The following DPP10 variants were observed in gnomAD, a reference collection of about 807,000 sequenced individuals.
The protein encoded by DPP10 is inactive dipeptidyl peptidase 10.
Under a neutral mutation model 120.9 loss-of-function variants are expected in DPP10, and 33 were observed. The ratio of observed to expected loss-of-function variants is 0.27; its 90% CI spans 0.21 to 0.37. DPP10 has a LOEUF of 0.37. DPP10 is among the 10% of genes least tolerant of loss of function. The probability of loss-of-function intolerance (pLI) is 1.00; values close to 1 mark genes in which losing one functional copy is unlikely to be tolerated. For synonymous variants in DPP10, 337 were observed against 326.1 expected, an observed-to-expected ratio of 1.03 and a Z score of -0.36; for missense variants, 816 against 942.8, an observed-to-expected ratio of 0.87 and a Z score of 1.76.
chr2:114,704,845 G>T (rs1358908598), intron 1 of DPP10, among the ~76,000 whole-genome samples: 1 of 152,140 alleles, frequency 6.6e-6, no homozygotes, highest in African/African-American at 2.4e-5. Context: ...GGTAATTAAG[G>T]TTAAATGAGG....
chr2:115,221,691 A>G (rs17452909), intron 1 of DPP10, among the ~76,000 whole-genome samples: 9,496 of 150,832 alleles, frequency 0.063, 324 homozygotes, highest in Middle Eastern at 0.11. Context: ...AGATTTTTTC[A>G]TGGCAATTAG....
At chr2:115,446,611 T>A (rs1270104896) in intron 3 of DPP10, among the ~76,000 whole-genome samples, 1 of 152,188 alleles carries the variant, frequency 6.6e-6, no homozygotes, top group African/African-American at 2.4e-5. Flanking sequence ...TGTTTCTGTG[T>A]CTCTTTGTCT....
At chr2:115,722,836 T>C (rs555917644) in intron 7 of DPP10, among the ~76,000 whole-genome samples, 1 of 152,268 alleles carries the variant, frequency 6.6e-6, no homozygotes, top group Non-Finnish European at 1.5e-5. Flanking sequence ...ATTACTCTAG[T>C]GGTCCAGATA....
At chr2:114,667,600 C>A (rs1698025025) in intron 1 of DPP10, among the ~76,000 whole-genome samples, 1 of 152,146 alleles carries the variant, frequency 6.6e-6, no homozygotes, top group Admixed American at 6.6e-5. Context: ...CTACAGAATC[C>A]TTGAGATCCT....
chr2:115,387,564 C>T (rs931535168), intron 3 of DPP10, among the ~76,000 whole-genome samples: 3 of 152,114 alleles, frequency 2.0e-5, no homozygotes, highest in Non-Finnish European at 4.4e-5. Flanking sequence ...ATATTTGAAT[C>T]CCAGTCTAAA....
At chr2:115,006,722 T>A (rs1701873142) in intron 1 of DPP10, among the ~76,000 whole-genome samples, 1 of 152,006 alleles carries the variant, frequency 6.6e-6, no homozygotes, top group East Asian at 1.9e-4. Flanking sequence ...ATAAAGCAAG[T>A]CCTGAGTGAC....
intron 1 of DPP10, among the ~76,000 whole-genome samples, chr2:114,565,658 T>C (rs1317117665): frequency 2.0e-5 from 3 of 152,262 alleles, no homozygotes; most frequent in Non-Finnish European, 4.4e-5. Flanking sequence ...GGTGTGGACC[T>C]CTGCATGAAG....
chr2:115,616,489 TA>T (rs1057361211), intron 5 of DPP10, among the ~76,000 whole-genome samples: 112 of 142,496 alleles, frequency 7.9e-4, no homozygotes, highest in Middle Eastern at 7.2e-3. Flanking sequence ...CATTTCAGCC[TA>T]AAAAAAAAAA....
At position 114,799,110 on chromosome 2, in the gene DPP10, C is replaced by G. The variant is rs368712799; in HGVS notation, c.60+356272C>G. Reference sequence around the variant, plus strand: ...TGCCATTGCACTCCAGCCTGGGCAACAAGAGCGAAACTCCATCTCAAGAGA... The same window carrying G: ...TGCCATTGCACTCCAGCCTGGGCAAGAAGAGCGAAACTCCATCTCAAGAGA... On this transcript the variant is annotated intron_variant, in intron 1 of 25. Coordinates refer to ENST00000410059, the MANE Select transcript of DPP10 (RefSeq NM_020868.6). Among the ~76,000 whole-genome samples the G allele has an allele frequency of 4.6e-5, 7 of 152,208 alleles. No homozygotes were observed. The East Asian group carries it at 9.7e-4, about 21-fold the overall frequency.
chr2:114,535,335 A>G (rs1170948445), intron 1 of DPP10, among the ~76,000 whole-genome samples: 1 of 152,208 alleles, frequency 6.6e-6, no homozygotes, highest in Non-Finnish European at 1.5e-5. Flanking sequence ...TAAGTTTAGG[A>G]TAGTCAAGCT....
chr2:115,784,090 A>G (rs1254984531), intron 17 of DPP10, among the ~76,000 whole-genome samples: 1 of 152,210 alleles, frequency 6.6e-6, no homozygotes, highest in East Asian at 1.9e-4. Flanking sequence ...ATTTCTGTCT[A>G]AGGGAAATCA....
At chr2:115,325,730 A>G (rs908561329) in intron 2 of DPP10, among the ~76,000 whole-genome samples, 5 of 152,152 alleles carry the variant, frequency 3.3e-5, no homozygotes, top group African/African-American at 1.2e-4. Flanking sequence ...TTTCAAAACA[A>G]AAAAAGCAAA....
At chr2:115,255,993 C>T (rs115380436) in intron 1 of DPP10, among the ~76,000 whole-genome samples, 69 of 152,296 alleles carry the variant, frequency 4.5e-4, no homozygotes, top group African/African-American at 1.4e-3. Flanking sequence ...TCCACGTTTT[C>T]GGGTCTCTTT....
At chr2:115,161,828 T>TC (rs1198081847) in intron 1 of DPP10, 2 of 537,066 alleles carry the variant, frequency 3.7e-6, no homozygotes, top group Non-Finnish European at 5.2e-6. Flanking sequence ...GCCCCTCCGC[T>TC]CCCCCCACCC....
chr2:115,722,707 G>C (rs960244228), intron 7 of DPP10, among the ~76,000 whole-genome samples: 1 of 152,140 alleles, frequency 6.6e-6, no homozygotes, highest in African/African-American at 2.4e-5. Flanking sequence ...CCACCCTTAT[G>C]TATGTGGTCT....
intron 1 of DPP10, among the ~76,000 whole-genome samples, chr2:114,615,882 CAG>C (rs1163249205): frequency 2.0e-5 from 3 of 152,038 alleles, no homozygotes; most frequent in Admixed American, 1.3e-4. Context: ...CTAAAGAATA[CAG>C]AGTTTGCCAT....
At chr2:114,889,644 G>A (rs1266882117) in intron 1 of DPP10, among the ~76,000 whole-genome samples, 2 of 151,774 alleles carry the variant, frequency 1.3e-5, no homozygotes, top group Non-Finnish European at 2.9e-5. Context: ...AAATATTTGA[G>A]TTTTTAAGGG....
chr2:115,207,858 G>T (rs2056252717), intron 1 of DPP10, among the ~76,000 whole-genome samples: 1 of 152,082 alleles, frequency 6.6e-6, no homozygotes, highest in Non-Finnish European at 1.5e-5. Context: ...ATAGTAGAGA[G>T]AATGAACTAT....
At chr2:114,906,830 T>A (rs1694005689) in intron 1 of DPP10, among the ~76,000 whole-genome samples, 1 of 152,138 alleles carries the variant, frequency 6.6e-6, no homozygotes, top group Non-Finnish European at 1.5e-5. Context: ...GGTGCTTTTG[T>A]GTTGTTTGGT....
Sources: allele counts gnomAD v4.1 joint callset (sites outside exome capture counted in the v4.1 genomes callset), GRCh38; gene constraint gnomAD v4.1.1; transcripts MANE v1.5; gene names NCBI Gene and HGNC (gene_info 2026-07-23, HGNC 2026-07-21).